SF3A2: variants seen among roughly 807,000 people sequenced by gnomAD.
SF3A2 encodes the protein SAP 62.
SF3A2 carries 5 observed loss-of-function variants against 31.1 expected under a neutral mutation model. The observed-to-expected ratio is 0.16, with a 90% CI of 0.08 to 0.34. The LOEUF (loss-of-function observed/expected upper bound fraction) is 0.34, where lower values mean the gene tolerates loss of function less well. SF3A2 is among the 10% of genes least tolerant of loss of function. The pLI is 1.00. For synonymous variants in SF3A2, 365 were observed against 263.7 expected, an observed-to-expected ratio of 1.38 and a Z score of -3.72; for missense variants, 577 against 643.9, an observed-to-expected ratio of 0.90 and a Z score of 1.13.
intron 7 of SF3A2, 69 bp downstream of exon 7, chr19:2,247,091 G>A: frequency 1.3e-6 from 2 of 1,553,214 alleles, no homozygotes; most frequent in East Asian, 2.3e-5. Context: ...CATAGGCTGG[G>A]CAGGATGCCC....
chr19:2,243,620 C>A, intron 2 of SF3A2, 76 bp downstream of exon 2: 3 of 1,432,324 alleles, frequency 2.1e-6, no homozygotes, highest in South Asian at 2.9e-5. Context: ...GTGCCAGAGG[C>A]TCTTCTTGGG....
chr19:2,245,002 T>G lies in SF3A2; in HGVS notation c.245+223T>G. On this transcript the variant is annotated intron_variant, in intron 4 of 8. Coordinates refer to ENST00000221494, the MANE Select transcript of SF3A2 (RefSeq NM_007165.5). The surrounding 1 kb of genome is among the most constrained non-coding windows in gnomAD (Gnocchi z 4.2). ...GAGTTCGAGACCAGCCTGGCCAACATTGTGAAACTCCATCTCTACTAAAAA... is the reference window on the plus strand; with the variant it reads ...GAGTTCGAGACCAGCCTGGCCAACAGTGTGAAACTCCATCTCTACTAAAAA... The G allele has an allele frequency of 1.7e-6, 1 of 576,176 alleles. No individual in the cohort carries two copies. Among genetic ancestry groups the G allele is most frequent in the Non-Finnish European group, 3.1e-6 (1 of 323,064 alleles). 35.7% of individuals were successfully genotyped at this position (576,176 alleles called of 1,614,324 possible).
At position 2,248,449 on chromosome 19, in the gene SF3A2, C is replaced by T; in HGVS notation, c.1298C>T (p.Pro433Leu). The T allele has an allele frequency of 3.7e-6, 5 of 1,346,868 alleles. No homozygotes were observed. Among genetic ancestry groups the T allele is most frequent in the Non-Finnish European group, 4.8e-6 (5 of 1,042,246 alleles). 83.4% of individuals were successfully genotyped at this position (1,346,868 alleles called of 1,614,324 possible). A position where few individuals can be genotyped will look rare whatever the true frequency, so the allele number is the denominator to read the frequency against. The change falls in exon 9 of 9, where the codon CCT becomes CTT. Residue 433 changes from proline (P) to leucine (L), a missense_variant. Coordinates refer to ENST00000221494, the MANE Select transcript of SF3A2 (RefSeq NM_007165.5). The stretch of plus-strand genomic sequence containing the variant: ...CCTCCGGGAGTTCACCCCTCAAATC[C>T]TGGGGTGCACCCCCCAACTCCCATG... ...PQPPGVHPSN[P>L]GVHPPTPMPP...
chr19:2,241,882 A>G (rs1438090471), intron 1 of SF3A2, among the ~76,000 whole-genome samples: 1 of 152,188 alleles, frequency 6.6e-6, no homozygotes, highest in Non-Finnish European at 1.5e-5. Flanking sequence ...GGCTTTTGTG[A>G]CATCTGAACT....
chr19:2,243,394 C>G lies in SF3A2; in HGVS notation c.-25C>G. On this transcript the variant is annotated 5_prime_UTR_variant, in exon 2 of 9. Transcript: ENST00000221494. ...TTGGCCTCCACAGGTGTCTCCCAGTCTGCTAAAGCCCTAAGGCCATCACCA... is the reference window on the plus strand; with the variant it reads ...TTGGCCTCCACAGGTGTCTCCCAGTGTGCTAAAGCCCTAAGGCCATCACCA... The G allele has an allele frequency of 6.6e-7, 1 of 1,509,784 alleles. No individual in the cohort carries two copies. The highest frequency in any genetic ancestry group is 8.8e-7 in the Non-Finnish European group (1 of 1,134,452). The allele number at this position is 1,509,784 out of a possible 1,614,324, so 93.5% of individuals were successfully genotyped here. A position where few individuals can be genotyped will look rare whatever the true frequency, so the allele number is the denominator to read the frequency against.
chr19:2,248,135 GGTCCACCCCCCAGCTCCTGGA>G lies in SF3A2; in HGVS notation c.993_1013del (p.Ala361_Pro367del), dbSNP rs747722910. On this transcript the variant is annotated inframe_deletion, in exon 9 of 9. Transcript: ENST00000221494. ...CTGGGGTCCACCCACCAACCTCTGG[GGTCCACCCCCCAGCTCCTGGA>G]GTCCACCCTCCAGCCCCCGGGGTTC... is the stretch of plus-strand genomic sequence containing the variant. The G allele has an allele frequency of 2.3e-4, 305 of 1,347,778 alleles. 2 individuals carry two copies. In the African/African-American group the frequency reaches 3.1e-3, roughly 14 times the overall value. 83.5% of individuals were successfully genotyped at this position (1,347,778 alleles called of 1,614,324 possible). A position where few individuals can be genotyped will look rare whatever the true frequency, so the allele number is the denominator to read the frequency against.
In SF3A2 at chr19:2,243,473, T is replaced by C. The variant is rs2024907588; in HGVS notation, c.55T>C (p.Ser19Pro). 6.4e-7 allele frequency: 1 copy of C among 1,554,748 alleles called. No individual in the cohort carries two copies. The highest frequency in any genetic ancestry group is 8.6e-7 in the Non-Finnish European group (1 of 1,157,820). ...GKTGSGGVAS[S>P]SESNRDRRER... Reference sequence around the variant, plus strand: ...GACCGGGAGCGGGGGCGTGGCCTCCTCCTCCGAGAGCAACCGTGACCGCAG... The same window carrying C: ...GACCGGGAGCGGGGGCGTGGCCTCCCCCTCCGAGAGCAACCGTGACCGCAG... Residue 19 changes from serine to proline, a missense_variant, in exon 2 of 9, where the codon TCC (serine) becomes CCC (proline). Around this residue, in one of 6 missense-constraint regions of SF3A2, gnomAD observed 40 missense variants for 50.0 expected, o/e 0.80. Transcript: ENST00000221494.
Position 2,245,618 on chromosome 19 carries a change from C to T in SF3A2, c.355+63C>T. The T allele has an allele frequency of 1.6e-6, 2 of 1,248,076 alleles. No individual in the cohort carries two copies. The highest frequency in any genetic ancestry group is 1.1e-6 in the Non-Finnish European group (1 of 871,242). 77.3% of individuals were successfully genotyped at this position (1,248,076 alleles called of 1,614,324 possible). A position where few individuals can be genotyped will look rare whatever the true frequency, so the allele number is the denominator to read the frequency against. On this transcript the variant is annotated intron_variant, in intron 5 of 8. Coordinates refer to ENST00000221494, the MANE Select transcript of SF3A2 (RefSeq NM_007165.5). This position sits in a 1 kb window ranked among gnomAD's most constrained non-coding sequence, Gnocchi z 4.2. ...CCGTGACATAAGTGTGTTCTTTAGTCTCCAGTGCGGGAGGTGCAGCCCTGA... is the reference window on the plus strand; with the variant it reads ...CCGTGACATAAGTGTGTTCTTTAGTTTCCAGTGCGGGAGGTGCAGCCCTGA...
Position 2,248,501 on chromosome 19 carries a change from C to T in SF3A2, c.1350C>T (p.Pro450=). The T allele has an allele frequency of 8.3e-7, 1 of 1,200,050 alleles. No homozygotes were observed. Among genetic ancestry groups the T allele is most frequent in the Admixed American group, 3.3e-5 (1 of 30,010 alleles). 74.3% of individuals were successfully genotyped at this position (1,200,050 alleles called of 1,614,324 possible). A position where few individuals can be genotyped will look rare whatever the true frequency, so the allele number is the denominator to read the frequency against. ...PMPPMLRPPL[P]SEGPGNIPPP... Reference sequence around the variant, plus strand: ...CCCCAATGCTGAGGCCCCCACTTCCCTCCGAAGGCCCAGGGAACATACCTC... The same window carrying T: ...CCCCAATGCTGAGGCCCCCACTTCCTTCCGAAGGCCCAGGGAACATACCTC... The change falls in exon 9 of 9, where the codon CCC becomes CCT. Residue 450 remains proline (P), a synonymous_variant. Coordinates refer to ENST00000221494, the MANE Select transcript of SF3A2 (RefSeq NM_007165.5).
chr19:2,239,942 G>A (rs1472750329), intron 1 of SF3A2, among the ~76,000 whole-genome samples: 1 of 152,034 alleles, frequency 6.6e-6, no homozygotes, highest in African/African-American at 2.4e-5. Context: ...AATGAAGGAG[G>A]GTGTCAGCGA....
At position 2,245,491 on chromosome 19, in the gene SF3A2, C is replaced by T. The variant is rs988680958; in HGVS notation, c.291C>T (p.Pro97=). Residue 97 remains proline, a synonymous_variant, in exon 5 of 9, where the codon CCC becomes CCT. Coordinates refer to ENST00000221494, the MANE Select transcript of SF3A2 (RefSeq NM_007165.5). This position sits in a 1 kb window ranked among gnomAD's most constrained non-coding sequence, Gnocchi z 4.2. ...AGGCCAAGGAGGCCCCTGCCCAGCC[C>T]GCGCCTGAGAAGGTCAAGGTGGAGG... The part of the protein sequence containing the change: ...AKEAKEAPAQ[P]APEKVKVEVK... 3.9e-6 allele frequency: 6 copies of T among 1,551,124 alleles called. No individual in the cohort carries two copies. In the South Asian group the frequency reaches 4.8e-5, roughly 12 times the overall value.
chr19:2,244,823 G>A (rs367545836), intron 4 of SF3A2, 44 bp downstream of exon 4: 22 of 1,578,698 alleles, frequency 1.4e-5, no homozygotes, highest in Admixed American at 3.4e-5. Flanking sequence ...TCCAGCAGCC[G>A]TTGGCTCAAG....
chr19:2,246,909 A>G lies in SF3A2; in HGVS notation c.433A>G (p.Ile145Val). The G allele has an allele frequency of 1.9e-6, 3 of 1,610,160 alleles. No homozygotes were observed. Among genetic ancestry groups the G allele is most frequent in the Admixed American group, 1.7e-5 (1 of 59,154 alleles). ...TGACTACCCTGAGATCGCCGAGGGC[A>G]TCATGCCACGTCACCGCTTCATGTC... is the stretch of plus-strand genomic sequence containing the variant. ...QIDYPEIAEG[I>V]MPRHRFMSAY... The change falls in exon 7 of 9, where the codon ATC becomes GTC. Residue 145 changes from isoleucine (I) to valine (V), a missense_variant. Ile to Val is a conservative substitution (Grantham distance 29). Transcript: ENST00000221494. This position sits in a 1 kb window ranked among gnomAD's most constrained non-coding sequence, Gnocchi z 5.5.
Position 2,248,307 on chromosome 19 carries a change from G to A in SF3A2, c.1156G>A (p.Val386Ile), listed in dbSNP as rs1364270108. ...GGGGGTGCACCCAGCAGCCCCCGCC[G>A]TTCACCCTCAGGCCCCAGGGGTGCA... is the stretch of plus-strand genomic sequence containing the variant. ...APGVHPAAPA[V>I]HPQAPGVHPP... Residue 386 changes from valine (V) to isoleucine (I), a missense_variant, in exon 9 of 9, where the codon GTT (valine) becomes ATT (isoleucine). Transcript: ENST00000221494. 25 of 1,356,494 alleles carry A rather than the reference G, an allele frequency of 1.8e-5. No individual in the cohort carries two copies. The highest frequency in any genetic ancestry group is 1.2e-4 in the East Asian group (4 of 34,204). 84.0% of individuals were successfully genotyped at this position (1,356,494 alleles called of 1,614,324 possible).
chr19:2,248,237 AG>A lies in SF3A2; in HGVS notation c.1090del (p.Val364SerfsTer82). 2 of 1,144,848 alleles carry A rather than the reference AG, an allele frequency of 1.7e-6. No homozygotes were observed. The highest frequency in any genetic ancestry group is 1.1e-6 in the Non-Finnish European group (1 of 921,882). 70.9% of individuals were successfully genotyped at this position (1,144,848 alleles called of 1,614,324 possible). Reference sequence around the variant, plus strand: ...CCCCTGGGGTTCACCCACCAGCCCCAGGGGTCCATCCTCCCCCATCAGCGGG... The same window carrying A: ...CCCCTGGGGTTCACCCACCAGCCCCAGGGTCCATCCTCCCCCATCAGCGGG... ...PAPGVHPPAP[G>X]VHPPPSAGVH... On this transcript the variant is annotated frameshift_variant, in exon 9 of 9. Transcript: ENST00000221494. LOFTEE classifies it low-confidence loss of function (END_TRUNC).
intron 1 of SF3A2, among the ~76,000 whole-genome samples, chr19:2,239,139 C>T (rs999394359): frequency 2.0e-5 from 3 of 152,082 alleles, no homozygotes; most frequent in Non-Finnish European, 4.4e-5. Flanking sequence ...CTGAGGCGGG[C>T]GGATGACCTG....
chr19:2,243,622 C>T, intron 2 of SF3A2, 78 bp downstream of exon 2: 2 of 1,422,722 alleles, frequency 1.4e-6, no homozygotes, highest in South Asian at 3.0e-5. Flanking sequence ...GCCAGAGGCT[C>T]TTCTTGGGCC....
Position 2,246,857 on chromosome 19 carries a change from C to T in SF3A2, c.406-25C>T, listed in dbSNP as rs201775201. 14 of 1,613,124 alleles carry T rather than the reference C, an allele frequency of 8.7e-6. No homozygotes were observed. Among genetic ancestry groups the T allele is most frequent in the Middle Eastern group, 3.3e-4 (2 of 6,054 alleles). ...GGCCAAAGGCACCCAAGAGGCGGCT[C>T]TGCCACCCGGCCGTGTCCCTGCAGA... On this transcript the variant is annotated intron_variant, in intron 6 of 8. Transcript: ENST00000221494. This position sits in a 1 kb window ranked among gnomAD's most constrained non-coding sequence, Gnocchi z 5.5.
At position 2,244,532 on chromosome 19, in the gene SF3A2, C is replaced by A. The variant is rs2024916166; in HGVS notation, c.127-12C>A. ...ATCTTCTGTCTAACGGGCCCCTGTTCTTCCCCTCCAGGACCCGTACTTCAT... is the reference window on the plus strand; with the variant it reads ...ATCTTCTGTCTAACGGGCCCCTGTTATTCCCCTCCAGGACCCGTACTTCAT... On this transcript the variant is annotated splice_polypyrimidine_tract_variant and intron_variant, in intron 2 of 8. Coordinates refer to ENST00000221494, the MANE Select transcript of SF3A2 (RefSeq NM_007165.5). 1 of 1,611,438 alleles carries A rather than the reference C, an allele frequency of 6.2e-7. No individual in the cohort carries two copies. Among genetic ancestry groups the A allele is most frequent in the East Asian group, 2.2e-5 (1 of 44,868 alleles).
Sources: allele counts gnomAD v4.1 joint callset (sites outside exome capture counted in the v4.1 genomes callset), GRCh38; gene constraint gnomAD v4.1.1; regional missense constraint gnomAD v4.1.1; non-coding constraint Gnocchi (gnomAD v3.1); transcripts MANE v1.5; gene names NCBI Gene and HGNC (gene_info 2026-07-23, HGNC 2026-07-21).